The following SCNN1G variants were observed in gnomAD, a reference collection of about 807,000 sequenced individuals.
SCNN1G encodes sodium channel epithelial 1 subunit gamma.
SCNN1G carries 27 observed loss-of-function variants against 64.6 expected under a neutral mutation model. The ratio of observed to expected loss-of-function variants is 0.42; its 90% confidence interval spans 0.31 to 0.58. The LOEUF (loss-of-function observed/expected upper bound fraction) is 0.58. Ranked by LOEUF, SCNN1G falls within the 20% of genes least tolerant of loss-of-function variation. The pLI, the probability that SCNN1G is intolerant of heterozygous loss-of-function variation, is 0.18. For synonymous variants in SCNN1G, 330 were observed against 314.2 expected (o/e 1.05, Z -0.53); for missense variants, 743 against 823.4 (o/e 0.90, Z 1.19).
Position 23,194,268 on chromosome 16 carries a change from G to T in SCNN1G, c.907G>T (p.Glu303Ter). The change falls in exon 5 of 13, where the codon GAA (glutamate) becomes TAA (stop). Residue 303 changes from glutamate (E) to a stop codon, truncating the protein, a stop_gained. Coordinates refer to ENST00000300061, the MANE Select transcript of SCNN1G (RefSeq NM_001039.4). LOFTEE classifies it high-confidence loss of function. ...TCTCAGCACCTCCATGGGGGGCAGC[G>T]AATATGGTAAGGAAACCTGTGCCAA... ...TILSTSMGGS[E>*]YGLQVILYIN... 2 of 1,604,892 alleles carry T rather than the reference G, an allele frequency of 1.2e-6. No homozygotes were observed. The highest frequency in any genetic ancestry group is 1.7e-6 in the Non-Finnish European group (2 of 1,171,672).
chr16:23,193,254 G>A (rs534513135), intron 4 of SCNN1G, among the ~76,000 whole-genome samples: 2 of 152,196 alleles, frequency 1.3e-5, no homozygotes, highest in South Asian at 4.2e-4. Flanking sequence ...GGGATGGGAG[G>A]AGAAAGGCCC....
At chr16:23,215,028 C>A in intron 12 of SCNN1G, 61 bp from the exon 13 acceptor site, 1 of 1,603,804 alleles carries the variant, frequency 6.2e-7, no homozygotes, top group South Asian at 1.1e-5. Context: ...ATCAGGGTTC[C>A]TGTGTGAGGC....
intron 6 of SCNN1G, among the ~76,000 whole-genome samples, chr16:23,203,587 A>T (rs572004237): frequency 2.0e-5 from 3 of 151,752 alleles, no homozygotes; most frequent in Non-Finnish European, 4.4e-5. Context: ...TGGCTAATAC[A>T]GTGAAACCCT....
At chr16:23,212,931 C>T in intron 10 of SCNN1G, 37 bp downstream of exon 10, 2 of 1,603,686 alleles carry the variant, frequency 1.2e-6, no homozygotes, top group Non-Finnish European at 1.7e-6. Context: ...ACTGAAGCCC[C>T]CAGCCTGGAG....
intron 12 of SCNN1G, 128 bp from the exon 13 acceptor site, chr16:23,214,961 C>A: frequency 8.2e-7 from 1 of 1,215,690 alleles, no homozygotes; most frequent in Non-Finnish European, 1.2e-6. Flanking sequence ...AGGAAGGCTG[C>A]CTGCTTCTTC....
intron 1 of SCNN1G, among the ~76,000 whole-genome samples, chr16:23,183,068 CCGGG>C: frequency 6.6e-6 from 1 of 152,340 alleles, no homozygotes; most frequent in East Asian, 1.9e-4. Context: ...TCTGGGGGTC[CCGGG>C]CCACACCTGG....
intron 4 of SCNN1G, among the ~76,000 whole-genome samples, chr16:23,193,640 C>A (rs1445246132): frequency 2.0e-5 from 3 of 152,212 alleles, no homozygotes; most frequent in South Asian, 2.1e-4. Flanking sequence ...AAGAGCAAGA[C>A]CCTATCTCAG....
At chr16:23,197,195 G>A in intron 5 of SCNN1G, 69 bp from the exon 6 acceptor site, 1 of 1,313,852 alleles carries the variant, frequency 7.6e-7, no homozygotes, top group Non-Finnish European at 1.1e-6. Flanking sequence ...GAAGCAGTGG[G>A]AGAGGTGGTT....
intron 3 of SCNN1G, among the ~76,000 whole-genome samples, chr16:23,190,767 C>T (rs2141930255): frequency 6.7e-6 from 1 of 150,246 alleles, no homozygotes; most frequent in East Asian, 2.0e-4. Flanking sequence ...AATATTCGTG[C>T]AGTACTTGCC....
At chr16:23,214,040 G>C (rs1229312003) in intron 11 of SCNN1G, among the ~76,000 whole-genome samples, 1 of 152,174 alleles carries the variant, frequency 6.6e-6, no homozygotes, top group Non-Finnish European at 1.5e-5. Flanking sequence ...CTGAGTCATG[G>C]TCCAGTTCAC....
intron 3 of SCNN1G, among the ~76,000 whole-genome samples, chr16:23,190,548 G>T (rs1356489533): frequency 6.6e-6 from 1 of 152,156 alleles, no homozygotes; most frequent in African/African-American, 2.4e-5. Context: ...TGTTGGTGTT[G>T]TTAATGCTTA....
At position 23,188,912 on chromosome 16, in the gene SCNN1G, A is replaced by T. The variant is rs189912237; in HGVS notation, c.318-459A>T. On this transcript the variant is annotated intron_variant, in intron 2 of 12. Coordinates refer to ENST00000300061, the MANE Select transcript of SCNN1G (RefSeq NM_001039.4). ...CTTGGGGGTCATCGAGGTAACAGTT[A>T]TACCCTCCTTCCCCCCAGCACAGAT... 4.6e-5 allele frequency among the ~76,000 whole-genome samples: 7 copies of T among 152,314 alleles called. No individual in the cohort carries two copies. The South Asian group carries it at 1.5e-3, about 32-fold the overall frequency.
chr16:23,198,077 A>G (rs1393588021), intron 6 of SCNN1G, among the ~76,000 whole-genome samples: 1 of 152,204 alleles, frequency 6.6e-6, no homozygotes, highest in Non-Finnish European at 1.5e-5. Flanking sequence ...GAGGCATGTC[A>G]ATAACTGTAT....
chr16:23,209,730 G>T lies in SCNN1G; in HGVS notation c.1078-20G>T. On this transcript the variant is annotated intron_variant, in intron 6 of 12. Coordinates refer to ENST00000300061, the MANE Select transcript of SCNN1G (RefSeq NM_001039.4). ...GTCCGGGGGGAGGACAGGGCTGAGT[G>T]TGTGCTGCTGTGATTGCAGACAGAG... The T allele has an allele frequency of 1.9e-6, 3 of 1,587,836 alleles. No individual in the cohort carries two copies. The highest frequency in any genetic ancestry group is 1.7e-6 in the Non-Finnish European group (2 of 1,156,072).
At chr16:23,187,106 CTTTTTT>C (rs991130957) in intron 2 of SCNN1G, among the ~76,000 whole-genome samples, 30 of 117,904 alleles carry the variant, frequency 2.5e-4, no homozygotes, top group African/African-American at 8.4e-4. Flanking sequence ...CTGGCCTTTT[CTTTTTT>C]TTTTTTTTTT....
At chr16:23,202,112 TG>T (rs1959899392) in intron 6 of SCNN1G, among the ~76,000 whole-genome samples, 1 of 152,202 alleles carries the variant, frequency 6.6e-6, no homozygotes, top group Admixed American at 6.5e-5. Context: ...CCACCACACC[TG>T]ACCAAAGACA....
intron 3 of SCNN1G, among the ~76,000 whole-genome samples, chr16:23,190,067 T>TA (rs35779418): frequency 0.26 from 37,352 of 146,144 alleles, 5,242 homozygotes; most frequent in Admixed American, 0.35. Flanking sequence ...GAGACTCTGT[T>TA]AAAAAAAAAA....
intron 1 of SCNN1G, among the ~76,000 whole-genome samples, chr16:23,184,195 TG>T (rs34281156): frequency 0.22 from 32,982 of 152,084 alleles, 3,911 homozygotes; most frequent in Admixed American, 0.31. Context: ...TTCCTTCACT[TG>T]GGGGCTCCTC....
At chr16:23,195,858 C>T (rs1487887807) in intron 5 of SCNN1G, 1 of 152,220 alleles carries the variant, frequency 6.6e-6, no homozygotes, top group Non-Finnish European at 1.5e-5. Flanking sequence ...AATTGAATGT[C>T]AGAATAACTC....
Sources: gnomAD v4.1 joint callset for allele counts (sites outside exome capture counted in the v4.1 genomes callset) on GRCh38, gnomAD v4.1.1 for gene constraint, MANE v1.5 for transcripts, NCBI Gene and HGNC (gene_info 2026-07-23, HGNC 2026-07-21) for gene names.